The following MUC6 variants were observed in gnomAD, a reference collection of about 807,000 sequenced individuals.
MUC6 encodes mucin 6, oligomeric mucus/gel-forming (gene/pseudogene), also known as mucin-6.
MUC6 carries 188 observed loss-of-function variants against 201.5 expected under a neutral mutation model. That is an observed-to-expected ratio of 0.93 (90% CI 0.83 to 1.05). The LOEUF is 1.05. MUC6 is among the 50% of genes least tolerant of loss of function. The pLI is 0.00. For synonymous variants in MUC6, 1,228 were observed against 1,389.4 expected (o/e 0.88, Z 2.58); for missense variants, 2,706 against 3,256.9 (o/e 0.83, Z 4.12).
At position 1,030,221 on chromosome 11, in the gene MUC6, C is replaced by A; in HGVS notation, c.1007G>T (p.Cys336Phe). Residue 336 changes from cysteine (C) to phenylalanine (F), a missense_variant, in exon 8 of 33, where the codon TGC (cysteine) becomes TTC (phenylalanine). By Grantham distance (205) the Cys-to-Phe change is radical. Coordinates refer to ENST00000421673, the MANE Select transcript of MUC6 (RefSeq NM_005961.3). The stretch of plus-strand genomic sequence containing the variant: ...CCTGCGACTGCCCTCACCTTCCGGG[C>A]AGAAGCACCCGAAGGTGCAGGAGCT... ...CSSSCTFGCF[C>F]PEGTVLNDLS... The A allele has an allele frequency of 6.5e-7, 1 of 1,549,710 alleles. No homozygotes were observed. The highest frequency in any genetic ancestry group is 8.7e-7 in the Non-Finnish European group (1 of 1,148,040).
At chr11:1,030,370 AC>A (rs753253503) in intron 7 of MUC6, 35 bp from the exon 8 acceptor site, 139 of 1,003,838 alleles carry the variant, frequency 1.4e-4, no homozygotes, top group Middle Eastern at 6.8e-4. Context: ...AGAGGGTCCC[AC>A]CCCCCCCACC....
In MUC6 at chr11:1,025,671, C is replaced by T. The variant is rs940687696; in HGVS notation, c.2799+134G>A. ...TCTGGCCAGGGAGGGGCAGCAGGCA[C>T]CCCTCAAGGAGAGGCAGGCGGGGAG... On this transcript the variant is annotated intron_variant, in intron 22 of 32. Transcript: ENST00000421673. The T allele has an allele frequency of 2.5e-5, 22 of 895,376 alleles. No individual in the cohort carries two copies. The African/African-American group carries it at 2.8e-4, about 11-fold the overall frequency. The allele number at this position is 895,376 out of a possible 1,614,324, so 55.5% of individuals were successfully genotyped here.
Position 1,027,071 on chromosome 11 carries a change from C to T in MUC6, c.2285-21G>A, listed in dbSNP as rs570852064. On this transcript the variant is annotated intron_variant, in intron 18 of 32. Transcript: ENST00000421673. ...GGAGGCTGCAGGAAAGAGGGGTGCG[C>T]GGTCAGGACACTCAGAGGAAGCCGG... The T allele has an allele frequency of 1.2e-5, 19 of 1,605,708 alleles. No homozygotes were observed. The African/African-American group carries it at 1.2e-4, about 10-fold the overall frequency.
At position 1,032,868 on chromosome 11, in the gene MUC6, T is replaced by C. The variant is rs540692196; in HGVS notation, c.115+145A>G. On this transcript the variant is annotated intron_variant, in intron 2 of 32. Coordinates refer to ENST00000421673, the MANE Select transcript of MUC6 (RefSeq NM_005961.3). ...ATATTGGGTATGTGTGTGTGTTGGG[T>C]GTATGTGCATGTGTGTTCATGTTGG... 1.5e-4 allele frequency: 93 copies of C among 629,964 alleles called. No homozygotes were observed. In the African/African-American group the frequency reaches 1.6e-3, roughly 11 times the overall value. 39.0% of individuals were successfully genotyped at this position (629,964 alleles called of 1,614,324 possible). A position where few individuals can be genotyped will look rare whatever the true frequency, so the allele number is the denominator to read the frequency against.
intron 7 of MUC6, 31 bp from the exon 8 acceptor site, chr11:1,030,366 T>TCCCACCCCCCCCCCCCCCCCCCCCCC: frequency 6.7e-7 from 1 of 1,489,596 alleles, no homozygotes; most frequent in Non-Finnish European, 9.1e-7. Context: ...GGTGAGAGGG[T>TCCCACCCCCCCCCCCCCCCCCCCCCC]CCCACCCCCC....
intron 2 of MUC6, 125 bp from the exon 3 acceptor site, chr11:1,032,178 A>T: frequency 8.4e-6 from 11 of 1,307,276 alleles, no homozygotes; most frequent in Non-Finnish European, 1.1e-5. Flanking sequence ...CAGGCTGTGG[A>T]AACCCCAGAC....
rs773860045 is a variant in MUC6, at chr11:1,019,226, G to T, written c.4030+49C>A. 11 of 1,568,832 alleles carry T rather than the reference G, an allele frequency of 7.0e-6. No individual in the cohort carries two copies. In the Admixed American group the frequency reaches 8.6e-5, roughly 12 times the overall value. ...AATCACTGAATGTGAGCTGGTGGTG[G>T]GACCGGGTGCCTTCGGCAGTGCTGG... On this transcript the variant is annotated intron_variant, in intron 30 of 32. Coordinates refer to ENST00000421673, the MANE Select transcript of MUC6 (RefSeq NM_005961.3).
In MUC6 at chr11:1,024,062, T is replaced by TG; in HGVS notation, c.3266dup (p.Cys1090MetfsTer4). On this transcript the variant is annotated frameshift_variant, in exon 25 of 33. Coordinates refer to ENST00000421673, the MANE Select transcript of MUC6 (RefSeq NM_005961.3). LOFTEE classifies it high-confidence loss of function. ...AGTCCCCGCCACTGTCACACCCACA[T>TG]GCGTCGCGCACGCAGGCCTCGTAGT... is the stretch of plus-strand genomic sequence containing the variant. 1 of 1,613,102 alleles carries TG rather than the reference T, an allele frequency of 6.2e-7. No individual in the cohort carries two copies. The highest frequency in any genetic ancestry group is 8.5e-7 in the Non-Finnish European group (1 of 1,179,780).
Position 1,020,851 on chromosome 11 carries a change from C to G in MUC6, c.3590-117G>C, listed in dbSNP as rs561447066. ...CTCACCAAGGCTGTGGTGGAGGGGACTGGAGGGGCTGGGAGCCCACCCTCC... is the reference window on the plus strand; with the variant it reads ...CTCACCAAGGCTGTGGTGGAGGGGAGTGGAGGGGCTGGGAGCCCACCCTCC... On this transcript the variant is annotated intron_variant, in intron 27 of 32. Transcript: ENST00000421673. The G allele has an allele frequency of 3.8e-5, 50 of 1,324,302 alleles. 1 individual carries two copies. The South Asian group carries it at 6.3e-4, about 17-fold the overall frequency. The allele number at this position is 1,324,302 out of a possible 1,614,324, so 82.0% of individuals were successfully genotyped here.
At chr11:1,035,846 T>G (rs1280218583) in intron 1 of MUC6, among the ~76,000 whole-genome samples, 1 of 152,070 alleles carries the variant, frequency 6.6e-6, no homozygotes, top group Non-Finnish European at 1.5e-5. Flanking sequence ...CAGAGGCCCT[T>G]GGGCTGGTGC....
chr11:1,024,040 C>G lies in MUC6; in HGVS notation c.3289G>C (p.Asp1097His). 6.2e-7 allele frequency: 1 copy of G among 1,612,996 alleles called. No individual in the cohort carries two copies. Among genetic ancestry groups the G allele is most frequent in the Non-Finnish European group, 8.5e-7 (1 of 1,179,772 alleles). Residue 1097 changes from aspartate to histidine, a missense_variant, in exon 25 of 33, where the codon GAC (aspartate) becomes CAC (histidine). Physicochemically the swap from Asp to His is moderately conservative, Grantham distance 81. Coordinates refer to ENST00000421673, the MANE Select transcript of MUC6 (RefSeq NM_005961.3). ...RDACGCDSGG[D>H]CECLCDAVAA... The stretch of plus-strand genomic sequence containing the variant: ...ACGGCATCGCACAGACACTCACAGT[C>G]CCCGCCACTGTCACACCCACATGCG...
rs773741862 is a variant in MUC6 at position 1,030,732 on chromosome 11, C to T, written c.733G>A (p.Val245Met). The change falls in exon 7 of 33, where the codon GTG becomes ATG. Residue 245 changes from valine (V) to methionine (M), a missense_variant. Val to Met is a conservative substitution (Grantham distance 21). This residue lies in a region of MUC6 where 1,850 missense variants were observed against 1,958.3 expected (regional missense o/e 0.94). Transcript: ENST00000421673. ...CTTAGCACGAAGGGCTCCTTGGACA[C>T]GCTGCACTCAGGGGCCACCAGGGTC... The part of the protein sequence containing the change: ...LLTLVAPECS[V>M]SKEPFVLSCQ... The T allele has an allele frequency of 9.7e-6, 15 of 1,543,378 alleles. No individual in the cohort carries two copies. The South Asian group carries it at 1.2e-4, about 12-fold the overall frequency.
chr11:1,023,716 G>T, intron 25 of MUC6, 64 bp from the exon 26 acceptor site: 1 of 1,586,818 alleles, frequency 6.3e-7, no homozygotes, highest in Non-Finnish European at 8.6e-7. Flanking sequence ...TGACCCGGTG[G>T]TTCCCCTGGG....
rs1466813370 is a variant in MUC6, at chr11:1,019,881, GGAAT to G, written c.3808+205_3808+208del. 6.8e-6 allele frequency: 5 copies of G among 731,426 alleles called. No homozygotes were observed. The African/African-American group carries it at 8.9e-5, about 13-fold the overall frequency. 45.3% of individuals were successfully genotyped at this position (731,426 alleles called of 1,614,324 possible). On this transcript the variant is annotated intron_variant, in intron 29 of 32. Coordinates refer to ENST00000421673, the MANE Select transcript of MUC6 (RefSeq NM_005961.3). ...TTCTAGTGACAGCAGCCAGCAGCAA[GGAAT>G]GCCCCATGCCATGACCAGCTTGTCT...
At chr11:1,023,286 G>A (rs1284575261) in intron 26 of MUC6, among the ~76,000 whole-genome samples, 4 of 151,954 alleles carry the variant, frequency 2.6e-5, no homozygotes, top group Non-Finnish European at 5.9e-5. Flanking sequence ...ATGAACAAAT[G>A]TGCGTGAATG....
chr11:1,028,640 A>T lies in MUC6; in HGVS notation c.1591+6T>A. The T allele has an allele frequency of 2.5e-6, 4 of 1,606,168 alleles. No individual in the cohort carries two copies. Among genetic ancestry groups the T allele is most frequent in the Non-Finnish European group, 3.4e-6 (4 of 1,177,156 alleles). On this transcript the variant is annotated splice_donor_region_variant and intron_variant, in intron 13 of 32. Transcript: ENST00000421673. ...AACAGGGCCACCTGGAGAGGCAGGGACTCACCTCTGGTCTGACCTCTGAAC... is the reference window on the plus strand; with the variant it reads ...AACAGGGCCACCTGGAGAGGCAGGGTCTCACCTCTGGTCTGACCTCTGAAC...
chr11:1,032,509 G>T, intron 2 of MUC6, among the ~76,000 whole-genome samples: 1 of 151,662 alleles, frequency 6.6e-6, no homozygotes, highest in East Asian at 1.9e-4. Flanking sequence ...CATTCGGGGT[G>T]TGTATGTGTG....
At chr11:1,026,247 A>G in intron 20 of MUC6, 80 bp downstream of exon 20, 1 of 1,540,542 alleles carries the variant, frequency 6.5e-7, no homozygotes. Context: ...CGCCTCTGGG[A>G]CAGCCCCACC....
At chr11:1,019,570 G>T in intron 29 of MUC6, 74 bp from the exon 30 acceptor site, 2 of 1,374,310 alleles carry the variant, frequency 1.5e-6, no homozygotes, top group Non-Finnish European at 2.1e-6. Context: ...CCAGCCCCCT[G>T]CCCTGCTTCT....
Sources: allele counts gnomAD v4.1 joint callset (sites outside exome capture counted in the v4.1 genomes callset), GRCh38; gene constraint gnomAD v4.1.1; regional missense constraint gnomAD v4.1.1; transcripts MANE v1.5; gene names NCBI Gene and HGNC (gene_info 2026-07-23, HGNC 2026-07-21).